The following MTA3 variants were observed in gnomAD, a reference collection of about 807,000 sequenced individuals.
MTA3 encodes metastasis-associated protein MTA3.
MTA3 carries 34 observed loss-of-function variants against 83.5 expected under a neutral mutation model. That is an observed-to-expected ratio of 0.41 (90% CI 0.31 to 0.54). MTA3 has a LOEUF of 0.54. Ranked by LOEUF, MTA3 falls within the 20% of genes least tolerant of loss-of-function variation. The probability of loss-of-function intolerance (pLI) is 0.33; values close to 1 mark genes in which losing one functional copy is unlikely to be tolerated. For missense variants in MTA3, 761 were observed against 726.4 expected (o/e 1.05, Z -0.55); for synonymous variants, 303 against 252.7 (o/e 1.20, Z -1.89).
chr2:42,540,452 A>G (rs1343610594), intron 2 of MTA3, among the ~76,000 whole-genome samples: 1 of 152,030 alleles, frequency 6.6e-6, no homozygotes, highest in Non-Finnish European at 1.5e-5. Context: ...GGGATTAGAC[A>G]TAAGCCACAA....
chr2:42,640,414 C>CT (rs1205217056), intron 5 of MTA3, among the ~76,000 whole-genome samples, 178 bp downstream of exon 5: 1 of 151,990 alleles, frequency 6.6e-6, no homozygotes, highest in African/African-American at 2.4e-5. Flanking sequence ...TTCTGGTTAT[C>CT]TGAGATAAGA....
intron 2 of MTA3, 99 bp downstream of exon 2, chr2:42,570,603 C>T (rs573806381): frequency 1.2e-4 from 74 of 602,436 alleles, no homozygotes; most frequent in Non-Finnish European, 1.8e-4. Context: ...CTCATGCCTG[C>T]AATCCCAGTA....
chr2:42,558,559 ATTTT>A (rs754200398), intron 2 of MTA3, among the ~76,000 whole-genome samples: 23 of 130,008 alleles, frequency 1.8e-4, no homozygotes, highest in Admixed American at 1.7e-3. Flanking sequence ...CTTTAAAAAA[ATTTT>A]TTTTTTTTTT....
At chr2:42,736,456 T>G (rs1668622982) in intron 16 of MTA3, among the ~76,000 whole-genome samples, 1 of 152,060 alleles carries the variant, frequency 6.6e-6, no homozygotes, top group East Asian at 1.9e-4. Context: ...CTGTGTTCAC[T>G]CAAGGTCCAA....
chr2:42,529,056 C>T (rs908750807), intron 2 of MTA3, among the ~76,000 whole-genome samples: 1 of 152,128 alleles, frequency 6.6e-6, no homozygotes. Context: ...AAAAAGAAAC[C>T]TTTAGGCAGA....
intron 4 of MTA3, among the ~76,000 whole-genome samples, chr2:42,615,867 C>T (rs1365066862): frequency 5.3e-5 from 8 of 150,334 alleles, no homozygotes; most frequent in Non-Finnish European, 1.5e-5. Flanking sequence ...ACTACAGGCG[C>T]CTGCCACCAT....
chr2:42,695,828 T>G lies in MTA3; in HGVS notation c.955T>G (p.Tyr319Asp). 6.3e-7 allele frequency: 1 copy of G among 1,582,622 alleles called. No individual in the cohort carries two copies. Among genetic ancestry groups the G allele is most frequent in the Non-Finnish European group, 8.6e-7 (1 of 1,162,246 alleles). ...TTACATGTGGAAAACTACTGACAGA[T>G]ATGTGCAACAGGTAATTTTTTTCAT... ...YYYMWKTTDR[Y>D]VQQKRLKAAE... The change falls in exon 10 of 17, where the codon TAT becomes GAT. Residue 319 changes from tyrosine (Y) to aspartate (D), a missense_variant. By Grantham distance (160) the Tyr-to-Asp change is radical. Coordinates refer to ENST00000405094, the MANE Select transcript of MTA3 (RefSeq NM_001330442.2).
At chr2:42,500,574 G>C (rs1431538022) in intron 2 of MTA3, among the ~76,000 whole-genome samples, 1 of 151,996 alleles carries the variant, frequency 6.6e-6, no homozygotes, top group Non-Finnish European at 1.5e-5. Flanking sequence ...AAGAAAAAAC[G>C]TAAAAGTTCT....
At chr2:42,603,268 G>A (rs560022855) in intron 3 of MTA3, among the ~76,000 whole-genome samples, 4 of 152,212 alleles carry the variant, frequency 2.6e-5, no homozygotes, top group African/African-American at 7.2e-5. Flanking sequence ...TTATCAAAAC[G>A]GGAGAAATAG....
chr2:42,687,180 C>T (rs951843196), intron 9 of MTA3, among the ~76,000 whole-genome samples: 1 of 152,098 alleles, frequency 6.6e-6, no homozygotes, highest in South Asian at 2.1e-4. Context: ...GTTTCATCAC[C>T]TCTCCCGTCA....
intron 2 of MTA3, among the ~76,000 whole-genome samples, chr2:42,522,111 T>C (rs1675456986): frequency 6.6e-6 from 1 of 152,158 alleles, no homozygotes; most frequent in South Asian, 2.1e-4. Context: ...TCCAAATAAA[T>C]ACATAATTTC....
At chr2:42,743,239 C>T (rs141230375) in intron 16 of MTA3, among the ~76,000 whole-genome samples, 1 of 152,348 alleles carries the variant, frequency 6.6e-6, no homozygotes, top group East Asian at 1.9e-4. Context: ...GAGCTTTGTT[C>T]AGTCTGCAGA....
At chr2:42,687,711 A>G (rs1352442357) in intron 9 of MTA3, among the ~76,000 whole-genome samples, 3 of 152,188 alleles carry the variant, frequency 2.0e-5, no homozygotes, top group Admixed American at 1.3e-4. Context: ...GTTGCCCTTT[A>G]GGGTGGGCCA....
intron 2 of MTA3, among the ~76,000 whole-genome samples, chr2:42,517,030 C>CA (rs1675174755): frequency 1.3e-5 from 2 of 151,836 alleles, no homozygotes; most frequent in African/African-American, 2.4e-5. Flanking sequence ...GAGGCCGAGG[C>CA]GGGCAGATCA....
chr2:42,583,370 C>T (rs1679884261), intron 3 of MTA3, among the ~76,000 whole-genome samples: 1 of 152,156 alleles, frequency 6.6e-6, no homozygotes, highest in African/African-American at 2.4e-5. Context: ...GTGCAGACAG[C>T]ACATAAAGTT....
chr2:42,699,390 G>T (rs2104480793), intron 11 of MTA3, among the ~76,000 whole-genome samples: 1 of 152,214 alleles, frequency 6.6e-6, no homozygotes, highest in South Asian at 2.1e-4. Flanking sequence ...TAGAGACAGT[G>T]TCTCCCTATG....
At chr2:42,522,314 A>G (rs1675467209) in intron 2 of MTA3, among the ~76,000 whole-genome samples, 1 of 152,168 alleles carries the variant, frequency 6.6e-6, no homozygotes, top group Non-Finnish European at 1.5e-5. Context: ...CAAGGGTACA[A>G]TCAGAGCACT....
intron 2 of MTA3, among the ~76,000 whole-genome samples, chr2:42,524,749 T>C (rs567927694): frequency 6.6e-6 from 1 of 151,000 alleles, no homozygotes; most frequent in East Asian, 1.9e-4. Context: ...CTTCTTTGTC[T>C]CAGAACCTGA....
chr2:42,690,441 A>C (rs1280011739), intron 9 of MTA3, among the ~76,000 whole-genome samples: 1 of 151,660 alleles, frequency 6.6e-6, no homozygotes. Context: ...TTTTCTGTCT[A>C]CTTTTGGTTT....
Sources: gnomAD v4.1 joint callset for allele counts (sites outside exome capture counted in the v4.1 genomes callset) on GRCh38, gnomAD v4.1.1 for gene constraint, MANE v1.5 for transcripts, NCBI Gene and HGNC (gene_info 2026-07-23, HGNC 2026-07-21) for gene names.